Variants in PWWP2B observed in about 807,000 individuals in gnomAD.
PWWP2B encodes the protein PWWP domain containing 2B.
PWWP2B carries 9 observed loss-of-function variants against 15.5 expected under a neutral mutation model. The observed-to-expected ratio is 0.58, with a 90% CI of 0.35 to 1.02. PWWP2B has a LOEUF of 1.02. Among genes scored for constraint, PWWP2B ranks in the 50% least tolerant of loss-of-function variants. PWWP2B has a pLI of 0.02. For missense variants in PWWP2B, 864 were observed against 865.3 expected (o/e 1.00, Z 0.02); for synonymous variants, 474 against 403.6 (o/e 1.17, Z -2.09).
intron 1 of PWWP2B, among the ~76,000 whole-genome samples, chr10:132,400,824 C>T (rs1439344694): frequency 1.3e-5 from 2 of 152,254 alleles, no homozygotes; most frequent in Non-Finnish European, 2.9e-5. Flanking sequence ...TAGGCCACAA[C>T]AGGGTGTCCT....
chr10:132,415,569 A>C (rs1182610065), intron 2 of PWWP2B, among the ~76,000 whole-genome samples: 8 of 74,186 alleles, frequency 1.1e-4, no homozygotes, highest in Non-Finnish European at 2.6e-4. Flanking sequence ...AAACACACAT[A>C]CACACACATC....
intron 1 of PWWP2B, among the ~76,000 whole-genome samples, chr10:132,398,167 C>T (rs1486370711): frequency 6.6e-6 from 1 of 152,252 alleles, no homozygotes; most frequent in Non-Finnish European, 1.5e-5. Flanking sequence ...GGAAAGGCTC[C>T]TCTTGTAAAG....
In PWWP2B at chr10:132,406,049, G is replaced by A. The variant is rs2069694794; in HGVS notation, c.1549G>A (p.Glu517Lys). Residue 517 changes from glutamate (E) to lysine (K), a missense_variant, in exon 2 of 3, where the codon GAG becomes AAG. By Grantham distance (56) the Glu-to-Lys change is moderately conservative. Around this residue, in one of 2 missense-constraint regions of PWWP2B, gnomAD observed 128 missense variants for 177.6 expected, o/e 0.72. Coordinates refer to ENST00000305233, the MANE Select transcript of PWWP2B (RefSeq NM_138499.4). ...RVLDISLGQK[E>K]DGEPSWREAK... ...TCTTGACATCAGTCTCGGCCAGAAGGAGGACGGAGAGCCGTCTTGGCGAGA... is the reference window on the plus strand; with the variant it reads ...TCTTGACATCAGTCTCGGCCAGAAGAAGGACGGAGAGCCGTCTTGGCGAGA... 6.2e-7 allele frequency: 1 copy of A among 1,613,588 alleles called. No individual in the cohort carries two copies. The highest frequency in any genetic ancestry group is 1.1e-5 in the South Asian group (1 of 91,090).
At chr10:132,414,674 C>A (rs1026304139) in intron 2 of PWWP2B, among the ~76,000 whole-genome samples, 1 of 152,232 alleles carries the variant, frequency 6.6e-6, no homozygotes, top group African/African-American at 2.4e-5. Flanking sequence ...GCTGCCTCTT[C>A]CTTCTGAGAA....
At chr10:132,401,863 T>C (rs1262372032) in intron 1 of PWWP2B, among the ~76,000 whole-genome samples, 2 of 152,226 alleles carry the variant, frequency 1.3e-5, no homozygotes, top group African/African-American at 4.8e-5. Flanking sequence ...GGCTCTGCTG[T>C]TGGCTTTGCA....
In PWWP2B at chr10:132,406,019, C is replaced by G; in HGVS notation, c.1519C>G (p.Arg507Gly). Residue 507 changes from arginine (R) to glycine (G), a missense_variant, in exon 2 of 3, where the codon CGT becomes GGT. Arg to Gly is a moderately radical substitution (Grantham distance 125). Coordinates refer to ENST00000305233, the MANE Select transcript of PWWP2B (RefSeq NM_138499.4). ...CCATGGTTTTCCTTGGTGGCCGGCGCGTGTTCTTGACATCAGTCTCGGCCA... is the reference window on the plus strand; with the variant it reads ...CCATGGTTTTCCTTGGTGGCCGGCGGGTGTTCTTGACATCAGTCTCGGCCA... Reference protein sequence around the residue: ...KIHGFPWWPARVLDISLGQKE... With the variant: ...KIHGFPWWPAGVLDISLGQKE... The G allele has an allele frequency of 1.2e-6, 2 of 1,613,740 alleles. No homozygotes were observed. Among genetic ancestry groups the G allele is most frequent in the Non-Finnish European group, 1.7e-6 (2 of 1,180,018 alleles).
chr10:132,403,743 C>G (rs1402755514), intron 1 of PWWP2B, among the ~76,000 whole-genome samples: 2 of 152,042 alleles, frequency 1.3e-5, no homozygotes, highest in Non-Finnish European at 2.9e-5. Flanking sequence ...GGATTGGTGT[C>G]CCGGCTGTGG....
intron 1 of PWWP2B, 86 bp downstream of exon 1, chr10:132,397,437 G>A: frequency 8.9e-7 from 1 of 1,126,668 alleles, no homozygotes; most frequent in Non-Finnish European, 1.1e-6. Flanking sequence ...CCCGCCTCCG[G>A]GTTGGGGGTG....
At position 132,405,310 on chromosome 10, in the gene PWWP2B, C is replaced by T. The variant is rs1293514381; in HGVS notation, c.810C>T (p.Pro270=). The part of the protein sequence containing the change: ...PQGKGEVVKI[P]SRVHGSLEPF... ...GCAAGGGAGAGGTGGTCAAGATCCC[C>T]TCCCGCGTGCACGGCTCTCTGGAGC... The change falls in exon 2 of 3, where the codon CCC becomes CCT. Residue 270 remains proline (P), a synonymous_variant. Transcript: ENST00000305233. 2 of 1,612,222 alleles carry T rather than the reference C, an allele frequency of 1.2e-6. No individual in the cohort carries two copies. The highest frequency in any genetic ancestry group is 2.2e-5 in the East Asian group (1 of 44,870).
At position 132,406,184 on chromosome 10, in the gene PWWP2B, A is replaced by C; in HGVS notation, c.1684A>C (p.Met562Leu). Residue 562 changes from methionine (M) to leucine (L), a missense_variant, in exon 2 of 3, where the codon ATG becomes CTG. Physicochemically the swap from Met to Leu is conservative, Grantham distance 15. Coordinates refer to ENST00000305233, the MANE Select transcript of PWWP2B (RefSeq NM_138499.4). ...GAGATTTAATCGTAAGAAGAAGGGGATGTATCGGAAAGCTATAACCGAGGC... is the reference window on the plus strand; with the variant it reads ...GAGATTTAATCGTAAGAAGAAGGGGCTGTATCGGAAAGCTATAACCGAGGC... ...KLRFNRKKKG[M>L]YRKAITEAAN... The C allele has an allele frequency of 6.2e-7, 1 of 1,613,366 alleles. No homozygotes were observed. Among genetic ancestry groups the C allele is most frequent in the South Asian group, 1.1e-5 (1 of 91,090 alleles).
At chr10:132,411,417 C>T (rs2069778788) in intron 2 of PWWP2B, among the ~76,000 whole-genome samples, 1 of 152,272 alleles carries the variant, frequency 6.6e-6, no homozygotes, top group African/African-American at 2.4e-5. Context: ...CACCCGGTCT[C>T]ATTCACTCCA....
chr10:132,402,750 C>A (rs866465253), intron 1 of PWWP2B, among the ~76,000 whole-genome samples: 2 of 152,256 alleles, frequency 1.3e-5, no homozygotes, highest in Admixed American at 1.3e-4. Flanking sequence ...AAAGGCTCAT[C>A]TTCCACAGCT....
intron 1 of PWWP2B, 45 bp from the exon 2 acceptor site, chr10:132,404,581 T>C (rs1322433359): frequency 1.9e-6 from 3 of 1,544,826 alleles, no homozygotes; most frequent in Admixed American, 1.7e-5. Flanking sequence ...GTGGCAGATG[T>C]GCCAGGGTCC....
intron 2 of PWWP2B, among the ~76,000 whole-genome samples, chr10:132,410,150 G>A (rs921423140): frequency 1.3e-5 from 2 of 152,166 alleles, no homozygotes; most frequent in African/African-American, 2.4e-5. Flanking sequence ...AGAGTGACGG[G>A]GGACGGGGAG....
At position 132,413,147 on chromosome 10, in the gene PWWP2B, C is replaced by G. The variant is rs558844501; in HGVS notation, c.*17-3914C>G. 1.6e-4 allele frequency among the ~76,000 whole-genome samples: 25 copies of G among 152,298 alleles called. No individual in the cohort carries two copies. The South Asian group carries it at 4.8e-3, about 29-fold the overall frequency. On this transcript the variant is annotated intron_variant, in intron 2 of 2. Coordinates refer to ENST00000305233, the MANE Select transcript of PWWP2B (RefSeq NM_138499.4). The stretch of plus-strand genomic sequence containing the variant: ...TTCTAAACCTTTGCAGTCAACACAG[C>G]TAGGATTCACTTTTGTGTCTGATGC...
intron 1 of PWWP2B, among the ~76,000 whole-genome samples, chr10:132,401,742 T>A (rs2069619062): frequency 6.6e-6 from 1 of 152,210 alleles, no homozygotes; most frequent in Non-Finnish European, 1.5e-5. Context: ...TGGAGGCACG[T>A]TCCCTGGTCT....
chr10:132,399,949 C>T (rs1216825198), intron 1 of PWWP2B, among the ~76,000 whole-genome samples: 2 of 152,202 alleles, frequency 1.3e-5, no homozygotes, highest in Non-Finnish European at 2.9e-5. Context: ...CCTATGGTTC[C>T]AGACACAGAC....
At chr10:132,411,298 T>C (rs1030609704) in intron 2 of PWWP2B, among the ~76,000 whole-genome samples, 1 of 152,234 alleles carries the variant, frequency 6.6e-6, no homozygotes, top group African/African-American at 2.4e-5. Flanking sequence ...TGGTGGCATC[T>C]GGGGACCCGT....
At position 132,412,872 on chromosome 10, in the gene PWWP2B, G is replaced by A. The variant is rs2069799846; in HGVS notation, c.*17-4189G>A. On this transcript the variant is annotated intron_variant, in intron 2 of 2. Transcript: ENST00000305233. The stretch of plus-strand genomic sequence containing the variant: ...GTGTGTGTCTCGTGAAAGCGCACAT[G>A]TTTGCTAACATATCTAGTTGGGTTC... 2.0e-5 allele frequency among the ~76,000 whole-genome samples: 3 copies of A among 151,712 alleles called. No individual in the cohort carries two copies. The South Asian group carries it at 6.2e-4, about 31-fold the overall frequency.
Sources: gnomAD v4.1 joint callset for allele counts (sites outside exome capture counted in the v4.1 genomes callset) on GRCh38, gnomAD v4.1.1 for gene constraint, gnomAD v4.1.1 regional missense constraint, MANE v1.5 for transcripts, NCBI Gene and HGNC (gene_info 2026-07-23, HGNC 2026-07-21) for gene names.